The following ITGA2 variants were observed in gnomAD, a reference collection of about 807,000 sequenced individuals.
The protein encoded by ITGA2 is integrin alpha-2.
A neutral mutation model predicts 146.3 loss-of-function variants in ITGA2; 101 were observed. That is an observed-to-expected ratio of 0.69 (90% confidence interval 0.59 to 0.81). ITGA2 has a LOEUF of 0.81. ITGA2 is among the 40% of genes least tolerant of loss of function. ITGA2 has a pLI of 0.00. For missense variants in ITGA2, 1,281 were observed against 1,402.7 expected (o/e 0.91, Z 1.39); for synonymous variants, 477 against 487.1 (o/e 0.98, Z 0.27).
chr5:53,094,385 T>C lies in ITGA2; in HGVS notation c.*3786T>C, dbSNP rs1254931363. 5.3e-5 allele frequency: 8 copies of C among 152,174 alleles called. No individual in the cohort carries two copies. The highest frequency in any genetic ancestry group is 1.9e-4 in the African/African-American group (8 of 41,454). 9.4% of individuals were successfully genotyped at this position (152,174 alleles called of 1,614,324 possible). A position where few individuals can be genotyped will look rare whatever the true frequency, so the allele number is the denominator to read the frequency against. The stretch of plus-strand genomic sequence containing the variant: ...TAAAGTTTCATATGTACCTGTTTAT[T>C]TTGGCAGATTAAGTCAAAATATGAA... On this transcript the variant is annotated 3_prime_UTR_variant, in exon 30 of 30. Transcript: ENST00000296585.
chr5:53,018,687 G>T (rs554229272), intron 1 of ITGA2, among the ~76,000 whole-genome samples: 2 of 152,298 alleles, frequency 1.3e-5, no homozygotes, highest in African/African-American at 4.8e-5. Context: ...GAGGATTATA[G>T]AAAGCATATA....
chr5:53,037,677 A>G (rs1308796720), intron 2 of ITGA2, among the ~76,000 whole-genome samples: 1 of 152,174 alleles, frequency 6.6e-6, no homozygotes, highest in Non-Finnish European at 1.5e-5. Context: ...TCTGCTGGAA[A>G]TGTTTCTAAT....
intron 1 of ITGA2, among the ~76,000 whole-genome samples, chr5:53,025,161 T>C (rs999137051): frequency 3.3e-5 from 5 of 152,226 alleles, no homozygotes; most frequent in Admixed American, 3.3e-4. Flanking sequence ...AGATGATTGA[T>C]AACATATTCA....
At chr5:53,089,731 A>G (rs2112050408) in intron 28 of ITGA2, among the ~76,000 whole-genome samples, 1 of 152,346 alleles carries the variant, frequency 6.6e-6, no homozygotes, top group South Asian at 2.1e-4. Flanking sequence ...TAAAGCGGAG[A>G]AACTAGAAAA....
At chr5:53,028,957 T>C (rs948570791) in intron 2 of ITGA2, among the ~76,000 whole-genome samples, 1 of 152,180 alleles carries the variant, frequency 6.6e-6, no homozygotes, top group African/African-American at 2.4e-5. Context: ...CTGTCTTTGC[T>C]CTAGCCAGTG....
At chr5:53,006,726 C>T (rs1220771535) in intron 1 of ITGA2, among the ~76,000 whole-genome samples, 5 of 152,246 alleles carry the variant, frequency 3.3e-5, no homozygotes, top group African/African-American at 7.2e-5. Context: ...CAAGTGAAGC[C>T]GAAGTTTCAG....
chr5:53,053,926 C>G (rs1259558657), intron 7 of ITGA2, among the ~76,000 whole-genome samples: 1 of 152,120 alleles, frequency 6.6e-6, no homozygotes. Flanking sequence ...AAATGAGACA[C>G]AGTTTCTGTC....
In ITGA2 at chr5:53,072,018, A is replaced by T. The variant is rs1682830716; in HGVS notation, c.2316A>T (p.Glu772Asp). 1 of 1,612,008 alleles carries T rather than the reference A, an allele frequency of 6.2e-7. No homozygotes were observed. The highest frequency in any genetic ancestry group is 8.5e-7 in the Non-Finnish European group (1 of 1,178,800). ...ACCCTGGCACTAGCCCTGCCCTTGAAGCCTATTCTGAGACTGCCAAGGTCT... is the reference window on the plus strand; with the variant it reads ...ACCCTGGCACTAGCCCTGCCCTTGATGCCTATTCTGAGACTGCCAAGGTCT... ...LENPGTSPALEAYSETAKVFS... is the reference protein window; with the variant it reads ...LENPGTSPALDAYSETAKVFS... The change falls in exon 18 of 30, where the codon GAA becomes GAT. Residue 772 changes from glutamate (E) to aspartate (D), a missense_variant. By Grantham distance (45) the Glu-to-Asp change is conservative (BLOSUM62 2). Transcript: ENST00000296585.
At chr5:53,003,892 C>T (rs1276109103) in intron 1 of ITGA2, among the ~76,000 whole-genome samples, 44 of 152,116 alleles carry the variant, frequency 2.9e-4, no homozygotes, top group Non-Finnish European at 4.4e-5. Flanking sequence ...GCGATCTGCC[C>T]TCCTCAGCCT....
intron 27 of ITGA2, among the ~76,000 whole-genome samples, chr5:53,085,906 A>ATT (rs1225152597): frequency 6.6e-6 from 1 of 152,052 alleles, no homozygotes; most frequent in Non-Finnish European, 1.5e-5. Flanking sequence ...CTATTGAAAA[A>ATT]ATAGACTTTT....
In ITGA2 at chr5:53,026,900, A is replaced by C. The variant is rs560402030; in HGVS notation, c.185+32A>C. On this transcript the variant is annotated intron_variant, in intron 2 of 29. Coordinates refer to ENST00000296585, the MANE Select transcript of ITGA2 (RefSeq NM_002203.4). ...ATATTCTCTTCTTTATGATTTCAGT[A>C]AAAATACAAAATAAATTTCATATTT... The C allele has an allele frequency of 4.4e-6, 7 of 1,578,002 alleles. No individual in the cohort carries two copies. The South Asian group carries it at 7.8e-5, about 18-fold the overall frequency.
chr5:53,037,636 C>T (rs977306870), intron 2 of ITGA2, among the ~76,000 whole-genome samples: 4 of 152,060 alleles, frequency 2.6e-5, no homozygotes, highest in African/African-American at 4.8e-5. Context: ...AGGATTTCAC[C>T]GAGGCCTTAG....
rs1180708130 is a variant in ITGA2 at position 53,092,416 on chromosome 5, C to T, written c.*1817C>T. 6.6e-6 allele frequency: 1 copy of T among 152,134 alleles called. No individual in the cohort carries two copies. Among genetic ancestry groups the T allele is most frequent in the Non-Finnish European group, 1.5e-5 (1 of 68,040 alleles). The allele number at this position is 152,134 out of a possible 1,614,324, so 9.4% of individuals were successfully genotyped here. The stretch of plus-strand genomic sequence containing the variant: ...ATGTGCATATGGACAACCTTGACTA[C>T]CCTGGCCTGGCCCGTGGTGGCAGTC... On this transcript the variant is annotated 3_prime_UTR_variant, in exon 30 of 30. Transcript: ENST00000296585.
chr5:53,003,147 C>T (rs952802151), intron 1 of ITGA2, among the ~76,000 whole-genome samples: 1 of 152,172 alleles, frequency 6.6e-6, no homozygotes, highest in Admixed American at 6.5e-5. Flanking sequence ...CTCAAAATCT[C>T]TTTGACAAAC....
intron 8 of ITGA2, 81 bp downstream of exon 8, chr5:53,055,769 T>C (rs933460753): frequency 7.3e-6 from 11 of 1,501,316 alleles, no homozygotes; most frequent in East Asian, 2.3e-5. Context: ...GGCTGCACTT[T>C]CCCATTGGCT....
intron 1 of ITGA2, among the ~76,000 whole-genome samples, chr5:52,989,837 G>GAC (rs76264329): frequency 2.2e-5 from 3 of 139,530 alleles, no homozygotes; most frequent in African/African-American, 5.3e-5. Flanking sequence ...CACACACACA[G>GAC]ACAGACACGC....
At chr5:53,015,560 G>A (rs1361194019) in intron 1 of ITGA2, among the ~76,000 whole-genome samples, 1 of 151,942 alleles carries the variant, frequency 6.6e-6, no homozygotes, top group Non-Finnish European at 1.5e-5. Context: ...AGAAGAATGT[G>A]TATTCTATTG....
intron 23 of ITGA2, among the ~76,000 whole-genome samples, chr5:53,076,739 T>G (rs1365603842): frequency 6.6e-6 from 1 of 152,106 alleles, no homozygotes; most frequent in Non-Finnish European, 1.5e-5. Context: ...GAGACTTTAC[T>G]TTTACTAATT....
chr5:53,038,132 T>C (rs1743579427), intron 2 of ITGA2, among the ~76,000 whole-genome samples: 1 of 151,112 alleles, frequency 6.6e-6, no homozygotes, highest in Admixed American at 6.6e-5. Flanking sequence ...AGTGCTTAGT[T>C]GAGAGAAAAA....
Sources: gnomAD v4.1 joint callset for allele counts (sites outside exome capture counted in the v4.1 genomes callset) on GRCh38, gnomAD v4.1.1 for gene constraint, MANE v1.5 for transcripts, NCBI Gene and HGNC (gene_info 2026-07-23, HGNC 2026-07-21) for gene names.